The following TET1 variants were observed in gnomAD, a reference collection of about 807,000 sequenced individuals.
TET1 encodes the protein tet methylcytosine dioxygenase 1, also known as methylcytosine dioxygenase TET1.
A neutral mutation model predicts 148.7 loss-of-function variants in TET1; 13 were observed. The observed-to-expected ratio is 0.09, with a 90% CI of 0.06 to 0.14. The LOEUF (loss-of-function observed/expected upper bound fraction) is 0.14, where lower values mean the gene tolerates loss of function less well. Ranked by LOEUF, TET1 falls within the 10% of genes least tolerant of loss-of-function variation. The pLI is 1.00. For missense variants in TET1, 2,182 were observed against 2,553.8 expected (o/e 0.85, Z 3.14); for synonymous variants, 907 against 937.2 (o/e 0.97, Z 0.59).
At chr10:68,587,481 T>G (rs1388750839) in intron 2 of TET1, among the ~76,000 whole-genome samples, 1 of 152,208 alleles carries the variant, frequency 6.6e-6, no homozygotes, top group Non-Finnish European at 1.5e-5. Context: ...GAAGTTAAGT[T>G]GCTTTCCTTA....
At chr10:68,621,906 T>G (rs2054376816) in intron 3 of TET1, among the ~76,000 whole-genome samples, 1 of 152,162 alleles carries the variant, frequency 6.6e-6, no homozygotes, top group African/African-American at 2.4e-5. Flanking sequence ...TAAACTGAGA[T>G]AGTTATATGT....
intron 6 of TET1, among the ~76,000 whole-genome samples, chr10:68,666,805 C>G (rs987400497): frequency 6.6e-6 from 1 of 151,928 alleles, no homozygotes; most frequent in Admixed American, 6.6e-5. Flanking sequence ...AAAATATGGC[C>G]GGGCATGGAG....
chr10:68,632,555 G>A, intron 3 of TET1: 4 of 1,609,146 alleles, frequency 2.5e-6, no homozygotes, highest in Non-Finnish European at 3.4e-6. Context: ...TGTGATGTTG[G>A]AGTAGGGGGG....
Position 68,692,042 on chromosome 10 carries a change from A to C in TET1, c.*228A>C. ...GCAAAAATAAAAGTTTTATAGTTTTAAATACATAAAGAAATGTTTCAGTTA... is the reference window on the plus strand; with the variant it reads ...GCAAAAATAAAAGTTTTATAGTTTTCAATACATAAAGAAATGTTTCAGTTA... On this transcript the variant is annotated 3_prime_UTR_variant, in exon 12 of 12. Transcript: ENST00000373644. 2 of 500,456 alleles carry C rather than the reference A, an allele frequency of 4.0e-6. No individual in the cohort carries two copies. The highest frequency in any genetic ancestry group is 6.9e-6 in the Non-Finnish European group (2 of 291,168). 31.0% of individuals were successfully genotyped at this position (500,456 alleles called of 1,614,324 possible).
chr10:68,647,377 A>T (rs1208520138), intron 4 of TET1, among the ~76,000 whole-genome samples: 1 of 152,172 alleles, frequency 6.6e-6, no homozygotes, highest in African/African-American at 2.4e-5. Context: ...GCCGAGTCAG[A>T]TGGATCACTT....
rs1589138872 is a variant in TET1, at chr10:68,692,818, T to G, written c.*1004T>G. The G allele has an allele frequency of 4.3e-6, 1 of 231,738 alleles. No individual in the cohort carries two copies. Among genetic ancestry groups the G allele is most frequent in the East Asian group, 6.1e-5 (1 of 16,282 alleles). 14.4% of individuals were successfully genotyped at this position (231,738 alleles called of 1,614,324 possible). A position where few individuals can be genotyped will look rare whatever the true frequency, so the allele number is the denominator to read the frequency against. On this transcript the variant is annotated 3_prime_UTR_variant, in exon 12 of 12. Transcript: ENST00000373644. ...TCTCAGTATAATCCATGAGAGGTGT[T>G]TCCAAAAGGAGATGAGGGAACAGGA...
Position 68,573,410 on chromosome 10 carries a change from G to T in TET1, c.1072G>T (p.Val358Phe). 1 of 1,614,146 alleles carries T rather than the reference G, an allele frequency of 6.2e-7. No individual in the cohort carries two copies. The highest frequency in any genetic ancestry group is 1.7e-5 in the Admixed American group (1 of 60,010). ...AFEATANQQE[V>F]SDTTSFLGQA... Reference sequence around the variant, plus strand: ...CGAAGCTACTGCAAATCAACAGGAAGTTTCTGATACCACCTCTTTCCTAGG... The same window carrying T: ...CGAAGCTACTGCAAATCAACAGGAATTTTCTGATACCACCTCTTTCCTAGG... Residue 358 changes from valine (V) to phenylalanine (F), a missense_variant, in exon 2 of 12, where the codon GTT becomes TTT. Physicochemically the swap from Val to Phe is conservative, Grantham distance 50. Around this residue, in one of 11 missense-constraint regions of TET1, gnomAD observed 665 missense variants for 672.4 expected, o/e 0.99. Coordinates refer to ENST00000373644, the MANE Select transcript of TET1 (RefSeq NM_030625.3).
At chr10:68,673,925 CTTTCTTTTTCTTTTTTTTTTTTCTT>C (rs1230881105) in intron 8 of TET1, among the ~76,000 whole-genome samples, 16 of 87,976 alleles carry the variant, frequency 1.8e-4, no homozygotes, top group South Asian at 3.5e-4. Context: ...TATCAGATTT[CTTTCTTTTTCTTTTTTTTTTTTCTT>C]TTTCTTTTTC....
intron 6 of TET1, among the ~76,000 whole-genome samples, chr10:68,663,594 G>T (rs1288557754): frequency 2.6e-5 from 4 of 151,986 alleles, no homozygotes; most frequent in Admixed American, 2.6e-4. Flanking sequence ...ATATCATATT[G>T]TCTGTTTCAA....
chr10:68,606,047 T>A (rs1368074560), intron 3 of TET1, among the ~76,000 whole-genome samples: 1 of 152,116 alleles, frequency 6.6e-6, no homozygotes, highest in East Asian at 1.9e-4. Context: ...ACAATTGAGT[T>A]ACATTGTTTA....
At chr10:68,561,578 C>T (rs2053553667) in intron 1 of TET1, among the ~76,000 whole-genome samples, 1 of 152,106 alleles carries the variant, frequency 6.6e-6, no homozygotes, top group Middle Eastern at 3.2e-3. Flanking sequence ...GAGCTGGGTG[C>T]TGGGGCTGGT....
chr10:68,572,952 C>A lies in TET1; in HGVS notation c.614C>A (p.Thr205Asn). Residue 205 changes from threonine (T) to asparagine (N), a missense_variant, in exon 2 of 12, where the codon ACC becomes AAC. Around this residue, in one of 11 missense-constraint regions of TET1, gnomAD observed 665 missense variants for 672.4 expected, o/e 0.99. Transcript: ENST00000373644. ...RVEDSKINIP[T>N]HSGPAAEILP... is the part of the protein sequence containing the mutation. ...GAGGATTCCAAGATCAATATCCCTA[C>A]CCACAGTGGCCCTGCAGCTGAGATC... The A allele has an allele frequency of 6.2e-7, 1 of 1,614,130 alleles. No individual in the cohort carries two copies.
intron 3 of TET1, among the ~76,000 whole-genome samples, chr10:68,629,947 C>T (rs1399725981): frequency 6.6e-6 from 1 of 152,184 alleles, no homozygotes; most frequent in African/African-American, 2.4e-5. Flanking sequence ...AATTCTGAGA[C>T]TAATCCTGTA....
chr10:68,561,629 G>C (rs1035400395), intron 1 of TET1, among the ~76,000 whole-genome samples: 1 of 151,984 alleles, frequency 6.6e-6, no homozygotes, highest in East Asian at 1.9e-4. Context: ...TCTCGGGCGA[G>C]GAGGCGGCCG....
At chr10:68,565,958 C>T (rs2053603678) in intron 1 of TET1, among the ~76,000 whole-genome samples, 1 of 152,184 alleles carries the variant, frequency 6.6e-6, no homozygotes, top group South Asian at 2.1e-4. Flanking sequence ...GAGGCCACAT[C>T]TTCGCAATCC....
chr10:68,626,499 C>T (rs2054484806), intron 3 of TET1, among the ~76,000 whole-genome samples: 1 of 151,714 alleles, frequency 6.6e-6, no homozygotes, highest in Non-Finnish European at 1.5e-5. Flanking sequence ...CTGCACCTGG[C>T]CTAGACATTT....
At chr10:68,620,830 A>G (rs2054359730) in intron 3 of TET1, among the ~76,000 whole-genome samples, 1 of 152,202 alleles carries the variant, frequency 6.6e-6, no homozygotes, top group Non-Finnish European at 1.5e-5. Context: ...CCTGGTCAAC[A>G]CTTATTAATG....
At chr10:68,675,635 A>G (rs1464027431) in intron 8 of TET1, among the ~76,000 whole-genome samples, 8 of 145,036 alleles carry the variant, frequency 5.5e-5, no homozygotes, top group Non-Finnish European at 1.2e-4. Context: ...ATGTGATCTC[A>G]GCTCACTCAC....
intron 5 of TET1, 102 bp from the exon 6 acceptor site, chr10:68,652,399 T>A: frequency 1.4e-6 from 1 of 713,442 alleles, no homozygotes; most frequent in Non-Finnish European, 2.2e-6. Context: ...TTTGAACTTC[T>A]GTACATCTAT....
Sources: allele counts gnomAD v4.1 joint callset (sites outside exome capture counted in the v4.1 genomes callset), GRCh38; gene constraint gnomAD v4.1.1; regional missense constraint gnomAD v4.1.1; transcripts MANE v1.5; gene names NCBI Gene and HGNC (gene_info 2026-07-23, HGNC 2026-07-21).